Variants in EBF1 observed in about 807,000 individuals in gnomAD.
EBF1 encodes the protein EBF transcription factor 1.
Under a neutral mutation model 68.4 loss-of-function variants are expected in EBF1, and 10 were observed. The observed-to-expected ratio is 0.15, with a 90% CI of 0.09 to 0.25. The LOEUF (loss-of-function observed/expected upper bound fraction) is 0.25, where lower values mean the gene tolerates loss of function less well. Ranked by LOEUF, EBF1 falls within the 10% of genes least tolerant of loss-of-function variation. The probability of loss-of-function intolerance (pLI) is 1.00; values close to 1 mark genes in which losing one functional copy is unlikely to be tolerated. For synonymous variants in EBF1, 298 were observed against 299.8 expected, an observed-to-expected ratio of 0.99 and a Z score of 0.06; for missense variants, 509 against 794.4, an observed-to-expected ratio of 0.64 and a Z score of 4.32.
At chr5:158,827,466 C>A (rs1260835553) in intron 7 of EBF1, among the ~76,000 whole-genome samples, 3 of 152,128 alleles carry the variant, frequency 2.0e-5, no homozygotes, top group African/African-American at 7.2e-5. Flanking sequence ...CTAAATGAAA[C>A]CTTACTATTC....
chr5:158,922,909 T>A (rs185337921), intron 6 of EBF1, among the ~76,000 whole-genome samples: 142 of 152,322 alleles, frequency 9.3e-4, no homozygotes, highest in African/African-American at 3.0e-3. Context: ...AATAACTGAA[T>A]TCACAATGGA....
intron 3 of EBF1, 46 bp from the exon 4 acceptor site, chr5:159,095,721 A>G: frequency 6.2e-7 from 1 of 1,600,240 alleles, no homozygotes; most frequent in Non-Finnish European, 8.6e-7. Context: ...GTGAGAGGTT[A>G]CGGAGGGTGG....
intron 6 of EBF1, among the ~76,000 whole-genome samples, chr5:158,963,723 G>A (rs367802896): frequency 8.5e-5 from 13 of 152,192 alleles, no homozygotes; most frequent in African/African-American, 2.9e-4. Context: ...CACCCATCCA[G>A]CTATTAATGA....
chr5:158,877,869 G>A (rs777911657), intron 6 of EBF1, among the ~76,000 whole-genome samples: 15 of 151,674 alleles, frequency 9.9e-5, no homozygotes, highest in Non-Finnish European at 1.8e-4. Context: ...AGTCATTTCC[G>A]GTCGCCATAT....
At chr5:158,859,103 G>A (rs1020881734) in intron 6 of EBF1, among the ~76,000 whole-genome samples, 4 of 152,134 alleles carry the variant, frequency 2.6e-5, no homozygotes, top group Admixed American at 6.5e-5. Flanking sequence ...TACAAGAGAC[G>A]CATCTCAATG....
intron 6 of EBF1, among the ~76,000 whole-genome samples, chr5:159,025,751 C>A (rs1047791364): frequency 7.9e-5 from 12 of 152,198 alleles, no homozygotes; most frequent in Non-Finnish European, 1.6e-4. Context: ...CTTAATGTAT[C>A]TCAACAGGTC....
At chr5:158,911,092 T>C (rs1466137188) in intron 6 of EBF1, among the ~76,000 whole-genome samples, 2 of 152,160 alleles carry the variant, frequency 1.3e-5, no homozygotes, top group Non-Finnish European at 2.9e-5. Context: ...ATCTCTTCAG[T>C]CATGGAACAC....
intron 15 of EBF1, among the ~76,000 whole-genome samples, chr5:158,704,116 C>G (rs1016090595): frequency 1.3e-5 from 2 of 152,226 alleles, no homozygotes; most frequent in African/African-American, 4.8e-5. Flanking sequence ...GACAAGCCAC[C>G]TTAGCTTCAG....
chr5:158,980,795 G>A (rs1159241587), intron 6 of EBF1, among the ~76,000 whole-genome samples: 1 of 152,140 alleles, frequency 6.6e-6, no homozygotes, highest in East Asian at 1.9e-4. Flanking sequence ...TTGTGTGCTG[G>A]TATCTAGAAC....
chr5:159,074,842 C>T (rs17056526), intron 5 of EBF1, among the ~76,000 whole-genome samples: 29,249 of 152,072 alleles, frequency 0.19, 3,374 homozygotes, highest in South Asian at 0.36. Flanking sequence ...GGAACTATTT[C>T]CTCCAGGCCT....
At chr5:158,806,032 A>T (rs142746122) in intron 8 of EBF1, among the ~76,000 whole-genome samples, 1 of 152,142 alleles carries the variant, frequency 6.6e-6, no homozygotes, top group East Asian at 1.9e-4. Flanking sequence ...GGAGTGAAAA[A>T]AGCAGACATC....
chr5:158,892,799 G>T (rs996817120), intron 6 of EBF1, among the ~76,000 whole-genome samples: 1 of 152,074 alleles, frequency 6.6e-6, no homozygotes, highest in Non-Finnish European at 1.5e-5. Context: ...TACAAAAAAA[G>T]AAAGAAGTGG....
At chr5:158,854,668 G>A (rs1392238028) in intron 6 of EBF1, among the ~76,000 whole-genome samples, 1 of 152,176 alleles carries the variant, frequency 6.6e-6, no homozygotes, top group Non-Finnish European at 1.5e-5. Context: ...AACTGACTCG[G>A]TGCCTTCCTC....
At chr5:158,848,505 A>G (rs1791976462) in intron 6 of EBF1, among the ~76,000 whole-genome samples, 1 of 152,244 alleles carries the variant, frequency 6.6e-6, no homozygotes, top group South Asian at 2.1e-4. Context: ...ATAATGAAAG[A>G]CCAGTGGGTG....
intron 6 of EBF1, among the ~76,000 whole-genome samples, chr5:158,923,632 G>A (rs1190028433): frequency 6.6e-6 from 1 of 152,134 alleles, no homozygotes; most frequent in East Asian, 1.9e-4. Flanking sequence ...ATACCAAAGG[G>A]ATATACTATT....
At chr5:158,884,440 A>G (rs1240312979) in intron 6 of EBF1, among the ~76,000 whole-genome samples, 1 of 152,224 alleles carries the variant, frequency 6.6e-6, no homozygotes, top group Non-Finnish European at 1.5e-5. Context: ...AATGAAAATA[A>G]TACATTCAAT....
chr5:158,995,799 A>T (rs561249146), intron 6 of EBF1, among the ~76,000 whole-genome samples: 1 of 152,080 alleles, frequency 6.6e-6, no homozygotes, highest in Non-Finnish European at 1.5e-5. Flanking sequence ...ACTCTGTGCT[A>T]CTCCACCTAT....
rs189144334 is a variant in EBF1 at position 158,698,777 on chromosome 5, G to C, written c.*334C>G. On this transcript the variant is annotated 3_prime_UTR_variant, in exon 16 of 16. Transcript: ENST00000313708. ...TCTTATTTATAGTGTCCCTTGTATA[G>C]AGCTTTACGGTTTATAAAAGACAAA... The C allele has an allele frequency of 9.6e-5, 23 of 239,928 alleles. No individual in the cohort carries two copies. In the East Asian group the frequency reaches 1.4e-3, roughly 15 times the overall value. The allele number at this position is 239,928 out of a possible 1,614,324, so 14.9% of individuals were successfully genotyped here.
At chr5:158,928,690 G>C (rs541548876) in intron 6 of EBF1, among the ~76,000 whole-genome samples, 1 of 152,314 alleles carries the variant, frequency 6.6e-6, no homozygotes, top group South Asian at 2.1e-4. Flanking sequence ...TTTAAGTTAA[G>C]TGACTCTTGT....
Sources: gnomAD v4.1 joint callset for allele counts (sites outside exome capture counted in the v4.1 genomes callset) on GRCh38, gnomAD v4.1.1 for gene constraint, MANE v1.5 for transcripts, NCBI Gene and HGNC (gene_info 2026-07-23, HGNC 2026-07-21) for gene names.